Variants in SMARCA2 observed in about 807,000 individuals in gnomAD.
SMARCA2 encodes the protein SWI/SNF related BAF chromatin remodeling complex subunit ATPase 2.
A neutral mutation model predicts 199.8 loss-of-function variants in SMARCA2; 61 were observed. That is an observed-to-expected ratio of 0.31 (90% CI 0.25 to 0.38). SMARCA2 has a LOEUF of 0.38. Ranked by LOEUF, SMARCA2 falls within the 10% of genes least tolerant of loss-of-function variation. The pLI is 1.00. For synonymous variants in SMARCA2, 935 were observed against 732.0 expected (o/e 1.28, Z -4.48); for missense variants, 1,344 against 2,012.2 (o/e 0.67, Z 6.35).
Position 2,136,632 on chromosome 9 carries a change from T to A in SMARCA2, c.3981+12695T>A, listed in dbSNP as rs142226649. On this transcript the variant is annotated intron_variant, in intron 27 of 33. Coordinates refer to ENST00000349721, the MANE Select transcript of SMARCA2 (RefSeq NM_003070.5). Reference sequence around the variant, plus strand: ...GATTGGCCTGGGGAAAGCAGTATTGTTTGGATTCCTTACAGTCATGGCAGA... The same window carrying A: ...GATTGGCCTGGGGAAAGCAGTATTGATTGGATTCCTTACAGTCATGGCAGA... 9.2e-5 allele frequency among the ~76,000 whole-genome samples: 14 copies of A among 152,280 alleles called. No individual in the cohort carries two copies. In the East Asian group the frequency reaches 2.7e-3, roughly 29 times the overall value.
chr9:2,077,716 C>T lies in SMARCA2; in HGVS notation c.2124C>T (p.Ile708=). The T allele has an allele frequency of 1.2e-6, 2 of 1,614,028 alleles. No homozygotes were observed. The highest frequency in any genetic ancestry group is 2.2e-5 in the East Asian group (1 of 44,876). Residue 708 remains isoleucine (I), a synonymous_variant, in exon 14 of 34, where the codon ATC becomes ATT. Transcript: ENST00000349721. ...CCTACTACACCGTGGCTCATGCCAT[C>T]TCGGAGAGGGTGGAGAAACAGTCTG... ...SQSYYTVAHA[I]SERVEKQSAL...
intron 5 of SMARCA2, among the ~76,000 whole-genome samples, 166 bp from the exon 6 acceptor site, chr9:2,054,431 C>G (rs1233721696): frequency 6.6e-6 from 1 of 152,208 alleles, no homozygotes; most frequent in Non-Finnish European, 1.5e-5. Context: ...GGTAGCTTTT[C>G]TCTGCTTAAC....
rs559708458 is a variant in SMARCA2 at position 2,094,436 on chromosome 9, G to A, written c.2884-2221G>A. ...TTAGCAGTGGCTGACTCATAGGAAGGTGCTTGAGTGTTCTTTCCTGAATTC... is the reference window on the plus strand; with the variant it reads ...TTAGCAGTGGCTGACTCATAGGAAGATGCTTGAGTGTTCTTTCCTGAATTC... On this transcript the variant is annotated intron_variant, in intron 19 of 33. Transcript: ENST00000349721. 2.5e-4 allele frequency among the ~76,000 whole-genome samples: 38 copies of A among 152,260 alleles called. No homozygotes were observed. In the South Asian group the frequency reaches 7.5e-3, roughly 30 times the overall value.
At chr9:2,083,291 C>T in intron 15 of SMARCA2, 56 bp from the exon 16 acceptor site, 1 of 1,150,980 alleles carries the variant, frequency 8.7e-7, no homozygotes, top group Non-Finnish European at 1.3e-6. Flanking sequence ...ATCTTTTTAA[C>T]CATTGATTTT....
intron 10 of SMARCA2, among the ~76,000 whole-genome samples, chr9:2,071,784 T>A (rs185372399): frequency 9.8e-5 from 15 of 152,364 alleles, no homozygotes; most frequent in African/African-American, 3.1e-4. Flanking sequence ...TGGTTCATGA[T>A]AACAGAATAT....
chr9:2,152,004 C>G (rs1825105888), intron 27 of SMARCA2, among the ~76,000 whole-genome samples: 1 of 151,592 alleles, frequency 6.6e-6, no homozygotes, highest in Admixed American at 6.6e-5. Flanking sequence ...AAGTTAGTTT[C>G]TGAATTAAAA....
chr9:2,016,094 G>C lies in SMARCA2; in HGVS notation c.-37+690G>C, dbSNP rs1818342608. On this transcript the variant is annotated intron_variant, in intron 1 of 33. Transcript: ENST00000349721. This position sits in a 1 kb window ranked among gnomAD's most constrained non-coding sequence, Gnocchi z 5.6. The stretch of plus-strand genomic sequence containing the variant: ...GAGACGTGAGCGGATCGCAGCGGGA[G>C]AAGCCTGAGCTGACGCGCGAAGGAG... 1 of 152,326 alleles carries C rather than the reference G, an allele frequency of 6.6e-6. No homozygotes were observed. Among genetic ancestry groups the C allele is most frequent in the Middle Eastern group, 3.2e-3 (1 of 316 alleles). 9.4% of individuals were successfully genotyped at this position (152,326 alleles called of 1,614,324 possible).
chr9:2,192,229 G>GAAAGAT (rs1827935427), intron 33 of SMARCA2: 1 of 172,428 alleles, frequency 5.8e-6, no homozygotes, highest in African/African-American at 2.4e-5. Context: ...TTTCTTTCTG[G>GAAAGAT]AAAGATAAAT....
intron 3 of SMARCA2, among the ~76,000 whole-genome samples, chr9:2,034,023 G>T (rs1730099215): frequency 6.6e-6 from 1 of 152,054 alleles, no homozygotes; most frequent in Non-Finnish European, 1.5e-5. Context: ...GAGACGGGCG[G>T]ATCACGAGAT....
intron 12 of SMARCA2, among the ~76,000 whole-genome samples, chr9:2,074,368 G>T (rs1466307789): frequency 1.3e-5 from 2 of 152,138 alleles, no homozygotes; most frequent in Non-Finnish European, 2.9e-5. Flanking sequence ...CATTAGATCT[G>T]ATATTTTTGA....
intron 27 of SMARCA2, among the ~76,000 whole-genome samples, chr9:2,137,732 G>A (rs531933435): frequency 7.2e-4 from 110 of 152,246 alleles, no homozygotes; most frequent in Non-Finnish European, 1.1e-3. Flanking sequence ...GCTATGTCCT[G>A]GTACCTGCAG....
At chr9:2,015,451 C>G (rs1258668179) in intron 1 of SMARCA2, 47 bp downstream of exon 1, 1 of 153,226 alleles carries the variant, frequency 6.5e-6, no homozygotes, top group African/African-American at 2.4e-5. Flanking sequence ...CTCCCTTCGG[C>G]CGCCCCGCTG....
intron 11 of SMARCA2, 90 bp downstream of exon 11, chr9:2,073,432 T>A: frequency 7.8e-6 from 12 of 1,546,804 alleles, no homozygotes; most frequent in Middle Eastern, 3.4e-4. Context: ...CTACACAGCC[T>A]TTGCTGAGAT....
intron 27 of SMARCA2, chr9:2,157,694 G>A (rs1389906277): frequency 2.6e-6 from 1 of 383,616 alleles, no homozygotes; most frequent in Non-Finnish European, 4.6e-6. Context: ...GAGAGGCGGA[G>A]GTGGAAACGA....
At position 2,115,578 on chromosome 9, in the gene SMARCA2, C is replaced by T. The variant is rs934059047; in HGVS notation, c.3457-244C>T. ...AGAGACAGATAAAAACAATATGATA[C>T]CTGGATTTCAAAACCTGAGATGTAT... On this transcript the variant is annotated intron_variant, in intron 24 of 33. Transcript: ENST00000349721. This position sits in a 1 kb window ranked among gnomAD's most constrained non-coding sequence, Gnocchi z 6.0. Among the ~76,000 whole-genome samples the T allele has an allele frequency of 6.6e-6, 1 of 152,106 alleles. No individual in the cohort carries two copies. Among genetic ancestry groups the T allele is most frequent in the Non-Finnish European group, 1.5e-5 (1 of 68,006 alleles).
intron 27 of SMARCA2, among the ~76,000 whole-genome samples, chr9:2,139,206 G>T (rs956274904): frequency 3.9e-5 from 6 of 152,184 alleles, no homozygotes; most frequent in Non-Finnish European, 5.9e-5. Context: ...GTGGCATTGC[G>T]GTAAAGAAAG....
At chr9:2,168,661 T>C (rs1200784018) in intron 28 of SMARCA2, among the ~76,000 whole-genome samples, 1 of 152,278 alleles carries the variant, frequency 6.6e-6, no homozygotes, top group Non-Finnish European at 1.5e-5. Flanking sequence ...TCATACTGTC[T>C]TTCTAAAATA....
At position 2,115,816 on chromosome 9, in the gene SMARCA2, A is replaced by C; in HGVS notation, c.3457-6A>C. On this transcript the variant is annotated splice_region_variant and splice_polypyrimidine_tract_variant and intron_variant, in intron 24 of 33. Transcript: ENST00000349721. This position sits in a 1 kb window ranked among gnomAD's most constrained non-coding sequence, Gnocchi z 6.0. ...AGTCCTCATAGCATATTGACCCCCC[A>C]AACAGGATCTGCAGGCCCAAGACCG... 6.2e-7 allele frequency: 1 copy of C among 1,613,076 alleles called. No individual in the cohort carries two copies.
At chr9:2,130,720 T>C (rs549792063) in intron 27 of SMARCA2, among the ~76,000 whole-genome samples, 78 of 152,272 alleles carry the variant, frequency 5.1e-4, no homozygotes, top group African/African-American at 5.8e-4. Context: ...CATATATATA[T>C]ACACACACAT....
Sources: gnomAD v4.1 joint callset for allele counts (sites outside exome capture counted in the v4.1 genomes callset) on GRCh38, gnomAD v4.1.1 for gene constraint, Gnocchi (gnomAD v3.1) non-coding constraint, MANE v1.5 for transcripts, NCBI Gene and HGNC (gene_info 2026-07-23, HGNC 2026-07-21) for gene names.